Variants in PCDHGB2 observed in about 807,000 individuals in gnomAD.
PCDHGB2 encodes the protein protocadherin gamma subfamily B, 2.
Under a neutral mutation model 59.3 loss-of-function variants are expected in PCDHGB2, and 55 were observed. That is an observed-to-expected ratio of 0.93 (90% CI 0.75 to 1.16). The LOEUF is 1.16. PCDHGB2 is among the 50% of genes most tolerant of loss of function. The pLI is 0.00. For synonymous variants in PCDHGB2, 516 were observed against 512.0 expected, an observed-to-expected ratio of 1.01 and a Z score of -0.11; for missense variants, 1,228 against 1,198.5, an observed-to-expected ratio of 1.02 and a Z score of -0.36.
At chr5:141,472,000 C>T (rs935165645) in intron 1 of PCDHGB2, among the ~76,000 whole-genome samples, 3 of 151,852 alleles carry the variant, frequency 2.0e-5, no homozygotes, top group African/African-American at 4.8e-5. Flanking sequence ...ATCCCTGCAT[C>T]GTATAGGGGC....
intron 1 of PCDHGB2, chr5:141,422,008 C>T (rs767148055): frequency 1.2e-5 from 20 of 1,609,502 alleles, no homozygotes; most frequent in Admixed American, 5.1e-5. Context: ...CTCCGGAACT[C>T]GGGTGCTGAT....
At chr5:141,405,966 C>T (rs1226823491) in intron 1 of PCDHGB2, among the ~76,000 whole-genome samples, 3 of 151,986 alleles carry the variant, frequency 2.0e-5, no homozygotes, top group South Asian at 4.1e-4. Flanking sequence ...CTGCTGTCAA[C>T]GTAAACCATA....
chr5:141,501,302 C>T (rs886901737), intron 2 of PCDHGB2, among the ~76,000 whole-genome samples: 14 of 151,156 alleles, frequency 9.3e-5, no homozygotes, highest in African/African-American at 2.9e-4. Flanking sequence ...CACACACACA[C>T]ACACACACAC....
At chr5:141,457,550 A>G (rs1331411755) in intron 1 of PCDHGB2, among the ~76,000 whole-genome samples, 1 of 152,230 alleles carries the variant, frequency 6.6e-6, no homozygotes, top group Non-Finnish European at 1.5e-5. Flanking sequence ...CAAATGTATG[A>G]TAAGCTTTGG....
At chr5:141,410,961 C>T (rs2095452770) in intron 1 of PCDHGB2, 1 of 178,096 alleles carries the variant, frequency 5.6e-6, no homozygotes, top group African/African-American at 2.5e-5. Flanking sequence ...TCAAGCGATT[C>T]TCCTGCCTCA....
chr5:141,389,906 T>A, intron 1 of PCDHGB2: 1 of 1,614,086 alleles, frequency 6.2e-7, no homozygotes, highest in Non-Finnish European at 8.5e-7. Context: ...CGGATATCAC[T>A]GACCGCCCCG....
Position 141,477,650 on chromosome 5 carries a change from A to C in PCDHGB2, c.2422-17157A>C. The C allele has an allele frequency of 6.2e-7, 1 of 1,614,210 alleles. No homozygotes were observed. Among genetic ancestry groups the C allele is most frequent in the Non-Finnish European group, 8.5e-7 (1 of 1,180,036 alleles). On this transcript the variant is annotated intron_variant, in intron 1 of 3. Coordinates refer to ENST00000522605, the MANE Select transcript of PCDHGB2 (RefSeq NM_018923.3). The surrounding 1 kb of genome is among the most constrained non-coding windows in gnomAD (Gnocchi z 4.9). The stretch of plus-strand genomic sequence containing the variant: ...CGGGCTAGTGGGTCGCTATTTCACA[A>C]TAAATCGTGACAATGGCATAGTGTC...
chr5:141,376,550 C>T (rs1772814272), intron 1 of PCDHGB2: 2 of 1,611,946 alleles, frequency 1.2e-6, no homozygotes, highest in African/African-American at 1.3e-5. Context: ...ATCTGATCTT[C>T]CCGCAACCCA....
At chr5:141,478,794 G>A in intron 1 of PCDHGB2, 1 of 1,468,126 alleles carries the variant, frequency 6.8e-7, no homozygotes, top group Non-Finnish European at 9.0e-7. Flanking sequence ...CACATCCTCA[G>A]CACTCTTTTG....
chr5:141,417,910 A>G (rs1339671115), intron 1 of PCDHGB2: 2 of 1,599,246 alleles, frequency 1.3e-6, no homozygotes, highest in East Asian at 2.3e-5. Flanking sequence ...GGCAGGTACT[A>G]TTTCCTTTGC....
At chr5:141,458,617 T>A (rs1392739721) in intron 1 of PCDHGB2, among the ~76,000 whole-genome samples, 6 of 152,170 alleles carry the variant, frequency 3.9e-5, no homozygotes, top group Non-Finnish European at 8.8e-5. Flanking sequence ...TCAGCCAGGC[T>A]GGAGTGCAGT....
At chr5:141,441,386 G>A (rs2098243752) in intron 1 of PCDHGB2, 1 of 153,358 alleles carries the variant, frequency 6.5e-6, no homozygotes, top group African/African-American at 2.4e-5. Flanking sequence ...ACAGACCCAA[G>A]GTATAACATC....
chr5:141,492,719 C>A (rs1367632029), intron 1 of PCDHGB2, among the ~76,000 whole-genome samples: 1 of 152,280 alleles, frequency 6.6e-6, no homozygotes, highest in Non-Finnish European at 1.5e-5. Context: ...AGCAGGCGGA[C>A]AGGCAGAGCT....
rs1387677265 is a variant in PCDHGB2 at position 141,486,434 on chromosome 5, T to C, written c.2422-8373T>C. 3 of 1,614,150 alleles carry C rather than the reference T, an allele frequency of 1.9e-6. No homozygotes were observed. The highest frequency in any genetic ancestry group is 2.5e-6 in the Non-Finnish European group (3 of 1,179,986). The stretch of plus-strand genomic sequence containing the variant: ...CTTGGATCGAGAGGCCAAATCTAGC[T>C]ATGACATCATGGTCACTGCTTCTGA... On this transcript the variant is annotated intron_variant, in intron 1 of 3. Coordinates refer to ENST00000522605, the MANE Select transcript of PCDHGB2 (RefSeq NM_018923.3). This position sits in a 1 kb window ranked among gnomAD's most constrained non-coding sequence, Gnocchi z 5.0.
Position 141,486,572 on chromosome 5 carries a change from A to G in PCDHGB2, c.2422-8235A>G. 1 of 1,613,876 alleles carries G rather than the reference A, an allele frequency of 6.2e-7. No individual in the cohort carries two copies. Among genetic ancestry groups the G allele is most frequent in the Non-Finnish European group, 8.5e-7 (1 of 1,180,002 alleles). ...GTCACATGAGGTGTTTGTTCCTGAG[A>G]ACAATCGCCCAGGGGACCTGCTTTG... is the stretch of plus-strand genomic sequence containing the variant. On this transcript the variant is annotated intron_variant, in intron 1 of 3. Coordinates refer to ENST00000522605, the MANE Select transcript of PCDHGB2 (RefSeq NM_018923.3). This position sits in a 1 kb window ranked among gnomAD's most constrained non-coding sequence, Gnocchi z 5.0.
At chr5:141,473,167 C>T (rs1360150717) in intron 1 of PCDHGB2, among the ~76,000 whole-genome samples, 2 of 152,122 alleles carry the variant, frequency 1.3e-5, no homozygotes. Flanking sequence ...TAGGAAGGCC[C>T]ACTGGTAACT....
chr5:141,394,627 C>T (rs563086120), intron 1 of PCDHGB2: 2 of 1,613,412 alleles, frequency 1.2e-6, no homozygotes, highest in East Asian at 2.2e-5. Context: ...GCCTGGCTGT[C>T]CTACCGCCTG....
chr5:141,405,242 A>G, intron 1 of PCDHGB2: 1 of 1,614,156 alleles, frequency 6.2e-7, no homozygotes, highest in Non-Finnish European at 8.5e-7. Flanking sequence ...CGCTGACTCA[A>G]GGAAGAGTCA....
In PCDHGB2 at chr5:141,372,836, A is replaced by G. The variant is rs755204859; in HGVS notation, c.2421+10280A>G. 4 of 1,532,454 alleles carry G rather than the reference A, an allele frequency of 2.6e-6. No homozygotes were observed. In the East Asian group the frequency reaches 6.9e-5, roughly 27 times the overall value. The allele number at this position is 1,532,454 out of a possible 1,614,324, so 94.9% of individuals were successfully genotyped here. On this transcript the variant is annotated intron_variant, in intron 1 of 3. Coordinates refer to ENST00000522605, the MANE Select transcript of PCDHGB2 (RefSeq NM_018923.3). ...TGAGTTTCTTCAAACCTTTCCTTCC[A>G]TAAATATAATTGGGTTTCAATTCAT... is the stretch of plus-strand genomic sequence containing the variant.
Sources: gnomAD v4.1 joint callset for allele counts (sites outside exome capture counted in the v4.1 genomes callset) on GRCh38, gnomAD v4.1.1 for gene constraint, Gnocchi (gnomAD v3.1) non-coding constraint, MANE v1.5 for transcripts, NCBI Gene and HGNC (gene_info 2026-07-23, HGNC 2026-07-21) for gene names.